The following CTNND2 variants were observed in gnomAD, a reference collection of about 807,000 sequenced individuals.
CTNND2 encodes catenin delta 2.
Under a neutral mutation model 144.4 loss-of-function variants are expected in CTNND2, and 22 were observed. The observed-to-expected ratio is 0.15, with a 90% confidence interval of 0.11 to 0.22. The LOEUF (loss-of-function observed/expected upper bound fraction) is 0.22, where lower values mean the gene tolerates loss of function less well. CTNND2 is among the 10% of genes least tolerant of loss of function. The probability of loss-of-function intolerance (pLI) is 1.00; values close to 1 mark genes in which losing one functional copy is unlikely to be tolerated. For missense variants in CTNND2, 1,353 were observed against 1,618.8 expected (o/e 0.84, Z 2.82); for synonymous variants, 751 against 695.6 (o/e 1.08, Z -1.25).
intron 2 of CTNND2, among the ~76,000 whole-genome samples, chr5:11,592,615 T>TA (rs141627260): frequency 1.5e-3 from 221 of 143,414 alleles, no homozygotes; most frequent in African/African-American, 4.3e-3. Context: ...TATTCTTAAG[T>TA]AAAAAAAAAA....
intron 2 of CTNND2, among the ~76,000 whole-genome samples, chr5:11,646,968 G>A (rs956164019): frequency 2.0e-5 from 3 of 152,138 alleles, no homozygotes; most frequent in African/African-American, 4.8e-5. Context: ...CATTCTCATT[G>A]GCATCCTTCT....
At chr5:11,132,220 G>C (rs1755693192) in intron 12 of CTNND2, among the ~76,000 whole-genome samples, 1 of 152,190 alleles carries the variant, frequency 6.6e-6, no homozygotes, top group South Asian at 2.1e-4. Context: ...TTAGAAGAGG[G>C]AGTCACTCAG....
intron 2 of CTNND2, among the ~76,000 whole-genome samples, chr5:11,630,416 C>T (rs948802199): frequency 3.3e-5 from 5 of 152,140 alleles, no homozygotes; most frequent in Non-Finnish European, 7.4e-5. Context: ...ACCAGGGGTG[C>T]AGGTGTGTTT....
At chr5:11,635,012 T>C (rs1781607309) in intron 2 of CTNND2, among the ~76,000 whole-genome samples, 1 of 151,694 alleles carries the variant, frequency 6.6e-6, no homozygotes, top group Non-Finnish European at 1.5e-5. Flanking sequence ...AAATTAGAGG[T>C]AGGGATTATA....
chr5:11,777,761 T>C (rs1015830834), intron 1 of CTNND2, among the ~76,000 whole-genome samples: 1 of 152,168 alleles, frequency 6.6e-6, no homozygotes, highest in Non-Finnish European at 1.5e-5. Flanking sequence ...CCTGTCAAAT[T>C]TCCCCTGGAG....
At chr5:11,826,837 T>C (rs1474115044) in intron 1 of CTNND2, among the ~76,000 whole-genome samples, 1 of 151,970 alleles carries the variant, frequency 6.6e-6, no homozygotes, top group East Asian at 1.9e-4. Context: ...TAAAAATGTA[T>C]ATAATTCAAA....
At chr5:10,976,192 G>A (rs1736457590) in intron 21 of CTNND2, among the ~76,000 whole-genome samples, 1 of 147,796 alleles carries the variant, frequency 6.8e-6, no homozygotes, top group Non-Finnish European at 1.5e-5. Context: ...ATTTGCTCTT[G>A]TGGTATGGAC....
At chr5:11,411,507 T>A (rs1561353397) in intron 5 of CTNND2, 29 bp downstream of exon 5, 1 of 1,114,164 alleles carries the variant, frequency 9.0e-7, no homozygotes, top group Non-Finnish European at 1.4e-6. Context: ...ATTTCAACTA[T>A]CTTCAAGCAT....
intron 12 of CTNND2, among the ~76,000 whole-genome samples, chr5:11,119,010 T>C (rs1047111476): frequency 5.9e-5 from 9 of 152,092 alleles, no homozygotes; most frequent in African/African-American, 1.9e-4. Flanking sequence ...CTGATCACCA[T>C]TGATTTTGTA....
At chr5:11,584,424 TTG>T (rs748067546) in intron 2 of CTNND2, among the ~76,000 whole-genome samples, 1,425 of 116,868 alleles carry the variant, frequency 0.012, 41 homozygotes, top group East Asian at 0.1. Context: ...TATATTTTTT[TTG>T]GGGGGGGGGA....
intron 9 of CTNND2, among the ~76,000 whole-genome samples, chr5:11,346,134 A>T (rs1288726234): frequency 6.6e-6 from 1 of 152,192 alleles, no homozygotes; most frequent in Non-Finnish European, 1.5e-5. Flanking sequence ...GTAGCTAAAC[A>T]TCAAGCACAT....
chr5:11,199,687 T>C, intron 10 of CTNND2, 26 bp from the exon 11 acceptor site: 1 of 1,585,934 alleles, frequency 6.3e-7, no homozygotes, highest in Non-Finnish European at 8.6e-7. Context: ...ACACCACTTT[T>C]GCTTTACAGT....
intron 6 of CTNND2, chr5:11,386,052 C>T (rs1561316896): frequency 6.6e-6 from 1 of 152,186 alleles, no homozygotes; most frequent in Non-Finnish European, 1.5e-5. Context: ...TACAAGAACA[C>T]AAAAGACAAC....
chr5:11,767,730 T>C (rs1242613374), intron 1 of CTNND2, among the ~76,000 whole-genome samples: 2 of 152,104 alleles, frequency 1.3e-5, no homozygotes, highest in Admixed American at 1.3e-4. Context: ...TGATGACCAC[T>C]TTGAAGAAGA....
intron 18 of CTNND2, among the ~76,000 whole-genome samples, chr5:11,014,562 C>T (rs1741412882): frequency 1.3e-5 from 2 of 152,144 alleles, no homozygotes. Flanking sequence ...GCAAAATAAC[C>T]CAGAAGGCCA....
At chr5:11,118,812 G>A (rs1366715336) in intron 12 of CTNND2, among the ~76,000 whole-genome samples, 2 of 152,172 alleles carry the variant, frequency 1.3e-5, no homozygotes, top group Non-Finnish European at 2.9e-5. Flanking sequence ...AATAAATTCT[G>A]TTTTACAGAT....
intron 11 of CTNND2, among the ~76,000 whole-genome samples, chr5:11,171,499 C>T (rs1412099954): frequency 6.6e-6 from 1 of 152,100 alleles, no homozygotes; most frequent in Non-Finnish European, 1.5e-5. Flanking sequence ...ACATTTATTA[C>T]TGCATATTTT....
At chr5:11,101,767 G>A (rs6898629) in intron 14 of CTNND2, among the ~76,000 whole-genome samples, 26,025 of 152,090 alleles carry the variant, frequency 0.17, 2,683 homozygotes, top group South Asian at 0.24. Context: ...ATGTCATCAA[G>A]TCAGGAGAGA....
intron 6 of CTNND2, among the ~76,000 whole-genome samples, chr5:11,393,163 T>C (rs1759781765): frequency 6.6e-6 from 1 of 152,238 alleles, no homozygotes; most frequent in Admixed American, 6.5e-5. Flanking sequence ...ATTAAATAGA[T>C]AAGCCAGATC....
Sources: allele counts gnomAD v4.1 joint callset (sites outside exome capture counted in the v4.1 genomes callset), GRCh38; gene constraint gnomAD v4.1.1; transcripts MANE v1.5; gene names NCBI Gene and HGNC (gene_info 2026-07-23, HGNC 2026-07-21).